Variants in COL24A1 observed in about 807,000 individuals in gnomAD.
The protein encoded by COL24A1 is collagen type XXIV alpha 1 chain.
A neutral mutation model predicts 253.9 loss-of-function variants in COL24A1; 224 were observed. That is an observed-to-expected ratio of 0.88 (90% CI 0.79 to 0.99). COL24A1 has a LOEUF of 0.99. Ranked by LOEUF, COL24A1 falls within the 50% of genes least tolerant of loss-of-function variation. COL24A1 has a pLI of 0.00. For missense variants in COL24A1, 2,131 were observed against 2,068.5 expected, an observed-to-expected ratio of 1.03 and a Z score of -0.59; for synonymous variants, 685 against 673.7, an observed-to-expected ratio of 1.02 and a Z score of -0.26.
intron 53 of COL24A1, among the ~76,000 whole-genome samples, chr1:85,769,576 C>T (rs1463744752): frequency 6.6e-6 from 1 of 151,862 alleles, no homozygotes; most frequent in African/African-American, 2.4e-5. Context: ...GAGCTCTCTA[C>T]CATACATAAA....
intron 32 of COL24A1, among the ~76,000 whole-genome samples, chr1:85,885,377 GTATATA>G (rs1553213698): frequency 2.2e-5 from 3 of 135,928 alleles, no homozygotes; most frequent in African/African-American, 8.2e-5. Context: ...ATTTTTGTGT[GTATATA>G]TATATATATA....
chr1:85,877,290 C>A, intron 32 of COL24A1, 115 bp from the exon 33 acceptor site: 1 of 651,452 alleles, frequency 1.5e-6, no homozygotes, highest in South Asian at 2.6e-5. Context: ...TATGTAAATA[C>A]ATAATACATT....
At chr1:85,910,186 T>C (rs1473533285) in intron 25 of COL24A1, among the ~76,000 whole-genome samples, 183 bp from the exon 26 acceptor site, 5 of 151,924 alleles carry the variant, frequency 3.3e-5, no homozygotes, top group Admixed American at 6.6e-5. Flanking sequence ...AGACTTTTAA[T>C]AAAATAGAAT....
rs541102258 is a variant in COL24A1, at chr1:86,022,471, T to A, written c.2202+67A>T. The A allele has an allele frequency of 2.2e-5, 31 of 1,408,046 alleles. No homozygotes were observed. The South Asian group carries it at 3.8e-4, about 17-fold the overall frequency. The allele number at this position is 1,408,046 out of a possible 1,614,324, so 87.2% of individuals were successfully genotyped here. On this transcript the variant is annotated intron_variant, in intron 17 of 59. Transcript: ENST00000370571. ...CTAACACAATACATGGATAAAATAA[T>A]AAGCAGTTCTTTCTTTTGAATTTAC...
chr1:86,007,502 A>G (rs1277597389), intron 19 of COL24A1, among the ~76,000 whole-genome samples: 1 of 152,186 alleles, frequency 6.6e-6, no homozygotes, highest in Non-Finnish European at 1.5e-5. Context: ...TGTCCACACA[A>G]AACCCTGCAC....
chr1:85,922,249 G>T (rs765517928), intron 24 of COL24A1, among the ~76,000 whole-genome samples: 1 of 152,118 alleles, frequency 6.6e-6, no homozygotes, highest in Non-Finnish European at 1.5e-5. Context: ...ACTCTTCAGG[G>T]TATTATCCAT....
At chr1:86,010,869 A>G (rs1696423098) in intron 19 of COL24A1, among the ~76,000 whole-genome samples, 2 of 152,190 alleles carry the variant, frequency 1.3e-5, no homozygotes, top group South Asian at 4.1e-4. Context: ...CTTTTATGTA[A>G]TAAAAAAGTG....
At chr1:86,149,114 C>T (rs896675416) in intron 1 of COL24A1, among the ~76,000 whole-genome samples, 7 of 152,128 alleles carry the variant, frequency 4.6e-5, no homozygotes, top group Non-Finnish European at 7.4e-5. Context: ...AGGCTGGTCT[C>T]GAACTCCTGA....
chr1:85,908,606 C>T lies in COL24A1; in HGVS notation c.2716G>A (p.Gly906Arg). The stretch of plus-strand genomic sequence containing the variant: ...GTCTTTCCTGTACTTACAGGTAATC[C>T]CAATGGACCGATAGGTCCTGGAACC... ...PGVPGPIGPL[G>R]LPGHVGARGP... The change falls in exon 27 of 60, where the codon GGA (glycine) becomes AGA (arginine). Residue 906 changes from glycine (G) to arginine (R), a missense_variant. Transcript: ENST00000370571. 6.8e-7 allele frequency: 1 copy of T among 1,479,586 alleles called. No homozygotes were observed. 91.7% of individuals were successfully genotyped at this position (1,479,586 alleles called of 1,614,324 possible). A position where few individuals can be genotyped will look rare whatever the true frequency, so the allele number is the denominator to read the frequency against.
At chr1:86,156,291 A>C in intron 1 of COL24A1, 50 bp downstream of exon 1, 1 of 1,540,136 alleles carries the variant, frequency 6.5e-7, no homozygotes, top group Non-Finnish European at 8.9e-7. Context: ...CAGGGGGTGG[A>C]GAGAGGGGTT....
In COL24A1 at chr1:86,022,279, T is replaced by G; in HGVS notation, c.2217A>C (p.Leu739Phe). 1 of 1,608,912 alleles carries G rather than the reference T, an allele frequency of 6.2e-7. No individual in the cohort carries two copies. The highest frequency in any genetic ancestry group is 8.5e-7 in the Non-Finnish European group (1 of 1,178,418). Reference protein sequence around the residue: ...GYPGDKGAVGLPGPPGMRGKS... With the variant: ...GYPGDKGAVGFPGPPGMRGKS... ...TTCCTCTCATCCCTGGTGGTCCTGG[T>G]AAACCAACAGCACCCTAAGAGAAGA... Residue 739 changes from leucine to phenylalanine, a missense_variant, in exon 18 of 60, where the codon TTA becomes TTC. Coordinates refer to ENST00000370571, the MANE Select transcript of COL24A1 (RefSeq NM_152890.7).
chr1:85,817,270 C>G (rs1570737986), intron 46 of COL24A1, among the ~76,000 whole-genome samples: 1 of 152,134 alleles, frequency 6.6e-6, no homozygotes, highest in South Asian at 2.1e-4. Context: ...ATCTGCCAAA[C>G]CTTGTATTGT....
chr1:86,112,651 G>T, intron 4 of COL24A1, 31 bp from the exon 5 acceptor site: 1 of 1,593,908 alleles, frequency 6.3e-7, no homozygotes, highest in Non-Finnish European at 8.6e-7. Flanking sequence ...CATCATTCTT[G>T]GAACATACTG....
intron 28 of COL24A1, among the ~76,000 whole-genome samples, chr1:85,897,261 G>A (rs548301208): frequency 6.6e-6 from 1 of 152,206 alleles, no homozygotes; most frequent in South Asian, 2.1e-4. Flanking sequence ...GGGGGCCTCG[G>A]GGGAGGGAGT....
At chr1:85,832,013 C>T (rs961748923) in intron 43 of COL24A1, among the ~76,000 whole-genome samples, 3 of 152,096 alleles carry the variant, frequency 2.0e-5, no homozygotes, top group African/African-American at 7.2e-5. Context: ...TGCCTATGTC[C>T]TGAATGGTAT....
chr1:85,833,102 T>C (rs1223926075), intron 43 of COL24A1, among the ~76,000 whole-genome samples: 4 of 152,138 alleles, frequency 2.6e-5, no homozygotes, highest in Non-Finnish European at 5.9e-5. Context: ...ATACGTCCCA[T>C]CAATACCTAA....
chr1:85,748,364 A>G (rs927478898), intron 55 of COL24A1, among the ~76,000 whole-genome samples: 1 of 152,250 alleles, frequency 6.6e-6, no homozygotes, highest in African/African-American at 2.4e-5. Flanking sequence ...TGTACTTTAT[A>G]TGTCCTTCCA....
At chr1:85,958,839 T>C (rs900281979) in intron 24 of COL24A1, among the ~76,000 whole-genome samples, 1 of 152,148 alleles carries the variant, frequency 6.6e-6, no homozygotes, top group African/African-American at 2.4e-5. Context: ...TGAGAGGGCA[T>C]CTTTTGAAAT....
intron 57 of COL24A1, among the ~76,000 whole-genome samples, chr1:85,739,104 T>C (rs1288345992): frequency 6.6e-6 from 1 of 152,200 alleles, no homozygotes; most frequent in Non-Finnish European, 1.5e-5. Flanking sequence ...ATTTTGAATA[T>C]TTCATAAAGT....
Sources: allele counts gnomAD v4.1 joint callset (sites outside exome capture counted in the v4.1 genomes callset), GRCh38; gene constraint gnomAD v4.1.1; transcripts MANE v1.5; gene names NCBI Gene and HGNC (gene_info 2026-07-23, HGNC 2026-07-21).